NAV3: variants seen among roughly 807,000 people sequenced by gnomAD.
NAV3 encodes the protein neuron navigator 3.
In NAV3, 87 loss-of-function variants were observed where a neutral mutation model predicts 244.7. The observed-to-expected ratio is 0.36, with a 90% CI of 0.30 to 0.42. The LOEUF (loss-of-function observed/expected upper bound fraction) is 0.42. NAV3 is among the 20% of genes least tolerant of loss of function. The pLI is 1.00. For missense variants in NAV3, 2,663 were observed against 2,893.3 expected (o/e 0.92, Z 1.83); for synonymous variants, 1,126 against 1,042.2 (o/e 1.08, Z -1.55).
At chr12:77,815,734 G>A (rs561513076) in intron 2 of NAV3, among the ~76,000 whole-genome samples, 24 of 151,862 alleles carry the variant, frequency 1.6e-4, no homozygotes, top group Middle Eastern at 3.4e-3. Flanking sequence ...TCCCGACATC[G>A]CATCTCCACA....
intron 2 of NAV3, among the ~76,000 whole-genome samples, chr12:77,699,760 C>T (rs1011755406): frequency 6.7e-6 from 1 of 149,968 alleles, no homozygotes; most frequent in African/African-American, 2.4e-5. Context: ...GAGTGAATGT[C>T]CCAGTGAGCA....
chr12:78,129,939 C>T (rs1956089965), intron 18 of NAV3, among the ~76,000 whole-genome samples: 1 of 152,060 alleles, frequency 6.6e-6, no homozygotes, highest in Non-Finnish European at 1.5e-5. Context: ...ACACACAATC[C>T]AAAACCTTAT....
upstream of NAV3, among the ~76,000 whole-genome samples, chr12:77,827,945 A>G (rs1873186030): frequency 6.6e-6 from 1 of 152,190 alleles, no homozygotes. Context: ...CAAATCCTAT[A>G]ATTTACAGAT....
chr12:78,175,235 G>C (rs1265618720), intron 24 of NAV3, 71 bp from the exon 25 acceptor site: 27 of 1,540,344 alleles, frequency 1.8e-5, no homozygotes, highest in East Asian at 2.3e-5. Flanking sequence ...CCTCTCAAAA[G>C]ACCTAAAAGA....
chr12:77,609,404 A>C (rs1173491521), intron 2 of NAV3, among the ~76,000 whole-genome samples: 1 of 152,098 alleles, frequency 6.6e-6, no homozygotes, highest in Non-Finnish European at 1.5e-5. Flanking sequence ...GAGACATCAA[A>C]TGTGGAACGG....
At position 78,200,457 on chromosome 12, in the gene NAV3, A is replaced by G. The variant is rs192573425; in HGVS notation, c.6716-16A>G. Reference sequence around the variant, plus strand: ...AATATAACTCTTAAAATATTTTGTTATTTATTTCTTATCAGGTCCCCGACT... The same window carrying G: ...AATATAACTCTTAAAATATTTTGTTGTTTATTTCTTATCAGGTCCCCGACT... On this transcript the variant is annotated splice_polypyrimidine_tract_variant and intron_variant, in intron 37 of 39. Coordinates refer to ENST00000397909, the MANE Select transcript of NAV3 (RefSeq NM_001024383.2). 2.1e-6 allele frequency: 3 copies of G among 1,439,814 alleles called. No individual in the cohort carries two copies. The highest frequency in any genetic ancestry group is 1.4e-5 in the African/African-American group (1 of 70,088). 89.2% of individuals were successfully genotyped at this position (1,439,814 alleles called of 1,614,324 possible).
At chr12:78,209,794 G>A (rs1337283119) in intron 39 of NAV3, among the ~76,000 whole-genome samples, 15 of 152,122 alleles carry the variant, frequency 9.9e-5, no homozygotes, top group African/African-American at 3.6e-4. Context: ...TCATATTTTA[G>A]CCAGAAATTT....
intron 2 of NAV3, among the ~76,000 whole-genome samples, chr12:77,753,210 T>C (rs1868950285): frequency 6.6e-6 from 1 of 152,166 alleles, no homozygotes. Context: ...AATCAATCCA[T>C]GTATTCATAT....
At position 78,125,344 on chromosome 12, in the gene NAV3, A is replaced by T. The variant is rs565922304; in HGVS notation, c.4239-1823A>T. Among the ~76,000 whole-genome samples, 11 of 152,088 alleles carry T rather than the reference A, an allele frequency of 7.2e-5. No homozygotes were observed. In the East Asian group the frequency reaches 2.1e-3, roughly 29 times the overall value. ...ATCGGTAGCTTTTCCTATAGATTTT[A>T]ATTTTTGTTTAAATTCCTCTTCATT... is the stretch of plus-strand genomic sequence containing the variant. On this transcript the variant is annotated intron_variant, in intron 16 of 39. Transcript: ENST00000397909.
At chr12:77,720,032 T>A (rs1237137855) in intron 2 of NAV3, among the ~76,000 whole-genome samples, 1 of 152,066 alleles carries the variant, frequency 6.6e-6, no homozygotes, top group Non-Finnish European at 1.5e-5. Flanking sequence ...TATTCATAGG[T>A]TGTGTGTTTT....
intron 9 of NAV3, among the ~76,000 whole-genome samples, chr12:78,023,446 G>A (rs993276362): frequency 6.6e-6 from 1 of 152,118 alleles, no homozygotes; most frequent in Non-Finnish European, 1.5e-5. Flanking sequence ...TTATCAGAGA[G>A]CATAATATCA....
upstream of NAV3, among the ~76,000 whole-genome samples, chr12:77,825,972 T>G (rs1265601805): frequency 6.6e-6 from 1 of 152,094 alleles, no homozygotes; most frequent in Admixed American, 6.5e-5. Flanking sequence ...AAATTAAAAC[T>G]GCAATGATAC....
chr12:77,800,470 G>C (rs937764187), intron 2 of NAV3, among the ~76,000 whole-genome samples: 3 of 152,088 alleles, frequency 2.0e-5, no homozygotes, highest in East Asian at 1.9e-4. Context: ...TCTTCCTGGG[G>C]AATGTGGATT....
intron 39 of NAV3, among the ~76,000 whole-genome samples, chr12:78,206,114 T>C (rs1285900098): frequency 1.3e-5 from 2 of 152,126 alleles, no homozygotes; most frequent in African/African-American, 2.4e-5. Flanking sequence ...GCAAAATGCA[T>C]ACACACTGAA....
chr12:77,981,988 T>C (rs1869653999), intron 5 of NAV3, among the ~76,000 whole-genome samples: 1 of 152,156 alleles, frequency 6.6e-6, no homozygotes, highest in Non-Finnish European at 1.5e-5. Context: ...ACAAGGATGA[T>C]TCTAAAATGA....
chr12:78,079,360 C>G (rs755447434), intron 12 of NAV3, among the ~76,000 whole-genome samples: 6 of 152,052 alleles, frequency 3.9e-5, no homozygotes, highest in Non-Finnish European at 8.8e-5. Context: ...TGCTTTAAAA[C>G]AAAGCATGAT....
chr12:77,941,067 T>C lies in NAV3; in HGVS notation c.362-14T>C. The C allele has an allele frequency of 6.5e-7, 1 of 1,540,024 alleles. No homozygotes were observed. The highest frequency in any genetic ancestry group is 8.9e-7 in the Non-Finnish European group (1 of 1,123,020). ...TTCTTTTTTTCTCTCTTTTATTTTA[T>C]CTCTTGGCTTTAGCAAATGAAAAAG... is the stretch of plus-strand genomic sequence containing the variant. On this transcript the variant is annotated splice_polypyrimidine_tract_variant and intron_variant, in intron 2 of 39. Transcript: ENST00000397909.
intron 1 of NAV3, among the ~76,000 whole-genome samples, chr12:77,839,789 G>T (rs1001871224): frequency 6.6e-6 from 1 of 152,194 alleles, no homozygotes; most frequent in Admixed American, 6.5e-5. Context: ...GGTCTTGAAG[G>T]TTAAGCATGG....
rs377556083 is a variant in NAV3, at chr12:77,607,548, C to CG, written c.72+35283dup. Among the ~76,000 whole-genome samples, 287 of 152,124 alleles carry CG rather than the reference C, an allele frequency of 1.9e-3. 1 individual carries two copies. Among genetic ancestry groups the CG allele is most frequent in the African/African-American group, 6.6e-3 (275 of 41,536 alleles). Reference sequence around the variant, plus strand: ...CATTTACATTTTGAAAGGAGATGGACGTTTCTTAAATTGCCTAAGAGAGGG... The same window carrying CG: ...CATTTACATTTTGAAAGGAGATGGACGGTTTCTTAAATTGCCTAAGAGAGGG... On this transcript the variant is annotated intron_variant, in intron 2 of 8. Coordinates refer to the NAV3 transcript ENST00000550042.
Sources: gnomAD v4.1 joint callset for allele counts (sites outside exome capture counted in the v4.1 genomes callset) on GRCh38, gnomAD v4.1.1 for gene constraint, MANE v1.5 for transcripts, NCBI Gene and HGNC (gene_info 2026-07-23, HGNC 2026-07-21) for gene names.